Variants in BBS9 observed in about 807,000 individuals in gnomAD.
BBS9 encodes Bardet-Biedl syndrome 9, also known as protein PTHB1.
A neutral mutation model predicts 117.7 loss-of-function variants in BBS9; 89 were observed. That is an observed-to-expected ratio of 0.76 (90% CI 0.64 to 0.90). The LOEUF is 0.90. Ranked by LOEUF, BBS9 falls within the 40% of genes least tolerant of loss-of-function variation. The pLI is 0.00. For missense variants in BBS9, 982 were observed against 1,042.2 expected (o/e 0.94, Z 0.80); for synonymous variants, 379 against 370.9 (o/e 1.02, Z -0.25).
intron 21 of BBS9, among the ~76,000 whole-genome samples, chr7:33,626,459 G>A (rs889109042): frequency 1.3e-5 from 2 of 152,328 alleles, no homozygotes; most frequent in South Asian, 4.1e-4. Flanking sequence ...GTAACAGGCA[G>A]AGGTTGGAAC....
rs150826095 is a variant in BBS9, at chr7:33,604,975, G to T, written c.2632G>T (p.Glu878Ter). 2.4e-5 allele frequency: 38 copies of T among 1,601,938 alleles called. No homozygotes were observed. Among genetic ancestry groups the T allele is most frequent in the Middle Eastern group, 3.3e-4 (2 of 6,056 alleles). ...TCTCACTGCAGAGACACCCAGGCCT[G>T]GTAAGAGACTGGATGGCCTTCACAA... ...RHLTAETPRPEVSPLQGVSE is the reference protein window; with the variant it reads ...RHLTAETPRP The change falls in exon 22 of 23, where the codon GAA (glutamate) becomes TAA (stop). Residue 878 changes from glutamate (E) to a stop codon, truncating the protein, a stop_gained and splice_region_variant. Coordinates refer to ENST00000242067, the MANE Select transcript of BBS9 (RefSeq NM_198428.3). LOFTEE classifies it high-confidence loss of function.
intron 1 of BBS9, among the ~76,000 whole-genome samples, chr7:33,145,420 G>A (rs745444584): frequency 6.6e-6 from 1 of 152,146 alleles, no homozygotes; most frequent in East Asian, 1.9e-4. Context: ...TCAAAGTAAG[G>A]AGAGGTTGTT....
intron 5 of BBS9, among the ~76,000 whole-genome samples, chr7:33,237,562 G>A (rs1793741802): frequency 6.6e-6 from 1 of 152,048 alleles, no homozygotes; most frequent in Non-Finnish European, 1.5e-5. Flanking sequence ...TGATCTTGTG[G>A]TGGAAAATAG....
intron 19 of BBS9, among the ~76,000 whole-genome samples, chr7:33,472,181 T>C (rs573458530): frequency 6.6e-6 from 1 of 152,318 alleles, no homozygotes; most frequent in South Asian, 2.1e-4. Context: ...AGAGAAATGA[T>C]ATTTTTATTT....
At chr7:33,209,782 CTT>C (rs971421313) in intron 5 of BBS9, among the ~76,000 whole-genome samples, 1 of 152,000 alleles carries the variant, frequency 6.6e-6, no homozygotes, top group Non-Finnish European at 1.5e-5. Context: ...GGTCTTTTCT[CTT>C]TTTTTATTAC....
intron 5 of BBS9, among the ~76,000 whole-genome samples, chr7:33,221,497 G>GA (rs1005632555): frequency 1.3e-5 from 2 of 151,374 alleles, no homozygotes; most frequent in Non-Finnish European, 3.0e-5. Flanking sequence ...ATTCTAACAA[G>GA]AAAAAAAAAT....
intron 17 of BBS9, among the ~76,000 whole-genome samples, chr7:33,371,364 C>T (rs1356909254): frequency 6.6e-6 from 1 of 152,108 alleles, no homozygotes; most frequent in Admixed American, 6.5e-5. Context: ...TTTTGAGTAT[C>T]TAGTTTTGCA....
At chr7:33,405,866 T>G (rs992234778) in intron 19 of BBS9, among the ~76,000 whole-genome samples, 11 of 152,180 alleles carry the variant, frequency 7.2e-5, no homozygotes, top group Admixed American at 7.2e-4. Context: ...CTGATTTTAG[T>G]TATTTCTTGC....
At chr7:33,454,428 A>G (rs1838335097) in intron 19 of BBS9, among the ~76,000 whole-genome samples, 1 of 152,182 alleles carries the variant, frequency 6.6e-6, no homozygotes, top group Non-Finnish European at 1.5e-5. Context: ...ACACTATCCA[A>G]AGGCTTACTC....
chr7:33,314,031 A>G (rs1040782652), intron 9 of BBS9, among the ~76,000 whole-genome samples: 4 of 152,166 alleles, frequency 2.6e-5, no homozygotes, highest in Non-Finnish European at 4.4e-5. Context: ...AAAGATGGTT[A>G]TGTAAGAAAG....
At chr7:33,174,521 G>T (rs2128155919) in intron 4 of BBS9, among the ~76,000 whole-genome samples, 1 of 152,226 alleles carries the variant, frequency 6.6e-6, no homozygotes, top group South Asian at 2.1e-4. Flanking sequence ...ATGGAATGAG[G>T]TACAGAAACA....
At chr7:33,584,215 G>A (rs1290253563) in intron 21 of BBS9, among the ~76,000 whole-genome samples, 1 of 151,926 alleles carries the variant, frequency 6.6e-6, no homozygotes, top group Non-Finnish European at 1.5e-5. Context: ...GTGATAGGTG[G>A]AAAATAAGAC....
At chr7:33,496,417 A>G (rs1482022818) in intron 19 of BBS9, among the ~76,000 whole-genome samples, 2 of 152,056 alleles carry the variant, frequency 1.3e-5, no homozygotes, top group Non-Finnish European at 2.9e-5. Context: ...AGGCAGGAGA[A>G]TCACTTGAAC....
At chr7:33,250,605 A>T (rs1583878582) in intron 5 of BBS9, among the ~76,000 whole-genome samples, 1 of 152,298 alleles carries the variant, frequency 6.6e-6, no homozygotes, top group East Asian at 1.9e-4. Flanking sequence ...GATTTGAAGG[A>T]TTTATTTATT....
intron 9 of BBS9, among the ~76,000 whole-genome samples, chr7:33,278,859 T>C (rs1012803667): frequency 6.6e-6 from 1 of 152,244 alleles, no homozygotes; most frequent in Admixed American, 6.5e-5. Flanking sequence ...TTTGTAACTG[T>C]CTGACGAGTT....
chr7:33,626,428 T>G (rs924688371), intron 21 of BBS9, among the ~76,000 whole-genome samples: 3 of 152,216 alleles, frequency 2.0e-5, no homozygotes, highest in African/African-American at 7.2e-5. Flanking sequence ...CCTGAAAATG[T>G]GGAAGCAACT....
chr7:33,431,570 C>T (rs1444895076), intron 19 of BBS9, among the ~76,000 whole-genome samples: 2 of 152,116 alleles, frequency 1.3e-5, no homozygotes, highest in African/African-American at 2.4e-5. Context: ...GGTTGCCTTG[C>T]CCCTTTTACC....
At chr7:33,554,236 A>G (rs935322081) in intron 21 of BBS9, among the ~76,000 whole-genome samples, 1 of 152,214 alleles carries the variant, frequency 6.6e-6, no homozygotes, top group Admixed American at 6.5e-5. Context: ...GAAGCCATCA[A>G]ATAGTCTTAA....
At chr7:33,145,241 C>T (rs905778947) in intron 1 of BBS9, among the ~76,000 whole-genome samples, 4 of 152,064 alleles carry the variant, frequency 2.6e-5, no homozygotes, top group African/African-American at 7.2e-5. Flanking sequence ...CCATTTAAAT[C>T]GGTGTAACAT....
Sources: gnomAD v4.1 joint callset for allele counts (sites outside exome capture counted in the v4.1 genomes callset) on GRCh38, gnomAD v4.1.1 for gene constraint, MANE v1.5 for transcripts, NCBI Gene and HGNC (gene_info 2026-07-23, HGNC 2026-07-21) for gene names.